TMEM132C: variants seen among roughly 807,000 people sequenced by gnomAD.
The protein encoded by TMEM132C is transmembrane protein 132C, also known as protein phosphatase 1, regulatory subunit 152.
A neutral mutation model predicts 61.4 loss-of-function variants in TMEM132C; 29 were observed. That is an observed-to-expected ratio of 0.47 (90% CI 0.35 to 0.64). The LOEUF (loss-of-function observed/expected upper bound fraction) is 0.64, where lower values mean the gene tolerates loss of function less well. Among genes scored for constraint, TMEM132C ranks in the 30% least tolerant of loss-of-function variants. TMEM132C has a pLI of 0.00. For synonymous variants in TMEM132C, 656 were observed against 633.1 expected, an observed-to-expected ratio of 1.04 and a Z score of -0.54; for missense variants, 1,408 against 1,476.9, an observed-to-expected ratio of 0.95 and a Z score of 0.76.
intron 2 of TMEM132C, among the ~76,000 whole-genome samples, chr12:128,524,571 C>T (rs1026388870): frequency 4.6e-5 from 7 of 152,008 alleles, no homozygotes; most frequent in Non-Finnish European, 8.8e-5. Flanking sequence ...ATTCATCAAA[C>T]AGGAAGCTAC....
chr12:128,338,442 CAT>C (rs1273711915), intron 1 of TMEM132C, among the ~76,000 whole-genome samples: 10 of 152,274 alleles, frequency 6.6e-5, no homozygotes, highest in African/African-American at 2.4e-4. Context: ...TCCCTTGGCA[CAT>C]GTGACCCATT....
intron 1 of TMEM132C, among the ~76,000 whole-genome samples, chr12:128,319,897 C>T (rs746020953): frequency 5.3e-5 from 8 of 151,622 alleles, no homozygotes; most frequent in African/African-American, 1.5e-4. Flanking sequence ...CTTGAACAGA[C>T]GCGGGATGAT....
rs369210247 is a variant in TMEM132C, at chr12:128,441,861, G to A, written c.974+26241G>A. Among the ~76,000 whole-genome samples the A allele has an allele frequency of 1.2e-4, 18 of 152,272 alleles. No homozygotes were observed. In the East Asian group the frequency reaches 3.3e-3, roughly 28 times the overall value. ...TACAAAAAAAATAAAAATTAGCCAG[G>A]TGTGGTGGTGGGCGCCTGTAATCCC... On this transcript the variant is annotated intron_variant, in intron 2 of 8. Transcript: ENST00000435159.
intron 3 of TMEM132C, among the ~76,000 whole-genome samples, chr12:128,576,356 C>T (rs1198744732): frequency 6.6e-6 from 1 of 152,148 alleles, no homozygotes; most frequent in Non-Finnish European, 1.5e-5. Context: ...AAAATTGAAA[C>T]AGAAAAGAGC....
chr12:128,486,241 A>G (rs946455742), intron 2 of TMEM132C, among the ~76,000 whole-genome samples: 8 of 152,136 alleles, frequency 5.3e-5, no homozygotes, highest in African/African-American at 1.9e-4. Context: ...GAAGATCGTT[A>G]CCATCTTTAT....
At chr12:128,683,506 G>C (rs1954651499) in intron 5 of TMEM132C, among the ~76,000 whole-genome samples, 1 of 152,178 alleles carries the variant, frequency 6.6e-6, no homozygotes. Context: ...GACCTGGATG[G>C]TTGCTTTCAA....
chr12:128,577,093 C>T (rs911749571), intron 3 of TMEM132C, among the ~76,000 whole-genome samples: 6 of 152,174 alleles, frequency 3.9e-5, no homozygotes, highest in African/African-American at 1.4e-4. Context: ...TCTTCCCTCC[C>T]CACAGCCCCC....
chr12:128,460,457 A>G (rs187024053), intron 2 of TMEM132C, among the ~76,000 whole-genome samples: 1 of 152,304 alleles, frequency 6.6e-6, no homozygotes, highest in East Asian at 1.9e-4. Flanking sequence ...AGTGGCTTCT[A>G]TTAGTCCATG....
intron 3 of TMEM132C, among the ~76,000 whole-genome samples, chr12:128,546,127 A>G (rs1873942664): frequency 1.3e-5 from 2 of 152,164 alleles, no homozygotes; most frequent in African/African-American, 4.8e-5. Flanking sequence ...CGTCACCATC[A>G]TTACCCCAAG....
At position 128,299,977 on chromosome 12, in the gene TMEM132C, G is replaced by A. The variant is rs563552270; in HGVS notation, c.85+32490G>A. Among the ~76,000 whole-genome samples the A allele has an allele frequency of 2.6e-4, 40 of 152,354 alleles. No individual in the cohort carries two copies. The South Asian group carries it at 8.1e-3, about 31-fold the overall frequency. ...TGCCCACATTTAAATAATTCCGTCAGTGTAGTCTAGACACAGTCGGCCAGT... is the reference window on the plus strand; with the variant it reads ...TGCCCACATTTAAATAATTCCGTCAATGTAGTCTAGACACAGTCGGCCAGT... On this transcript the variant is annotated intron_variant, in intron 1 of 8. Transcript: ENST00000435159.
At chr12:128,552,191 G>A (rs1244040845) in intron 3 of TMEM132C, among the ~76,000 whole-genome samples, 1 of 152,194 alleles carries the variant, frequency 6.6e-6, no homozygotes, top group Non-Finnish European at 1.5e-5. Context: ...TCACTTATGT[G>A]TCTCAAGTTT....
At chr12:128,647,819 G>A (rs59686875) in intron 4 of TMEM132C, among the ~76,000 whole-genome samples, 10,977 of 124,268 alleles carry the variant, frequency 0.088, 2,076 homozygotes, top group African/African-American at 0.32. Context: ...GGAGTCCATC[G>A]GCATTTGATG....
At chr12:128,442,741 A>ATG (rs1371106043) in intron 2 of TMEM132C, among the ~76,000 whole-genome samples, 2 of 152,150 alleles carry the variant, frequency 1.3e-5, no homozygotes, top group Non-Finnish European at 2.9e-5. Context: ...ACATGACATA[A>ATG]AATTCACCAT....
intron 1 of TMEM132C, among the ~76,000 whole-genome samples, chr12:128,336,944 A>T (rs1872804786): frequency 6.6e-6 from 1 of 152,128 alleles, no homozygotes; most frequent in South Asian, 2.1e-4. Flanking sequence ...TTGAGACTCC[A>T]TTGCTTTTAT....
intron 1 of TMEM132C, among the ~76,000 whole-genome samples, chr12:128,349,055 G>A (rs1419568254): frequency 1.3e-5 from 2 of 152,238 alleles, no homozygotes; most frequent in African/African-American, 4.8e-5. Flanking sequence ...CCAGGCTGGA[G>A]TGCAGTGGCA....
At chr12:128,526,067 A>C (rs566549775) in intron 2 of TMEM132C, among the ~76,000 whole-genome samples, 11 of 152,252 alleles carry the variant, frequency 7.2e-5, no homozygotes, top group Non-Finnish European at 1.5e-4. Context: ...GTTCAGGGTC[A>C]GTCACAGGGA....
chr12:128,664,283 A>G (rs1024723747), intron 4 of TMEM132C, among the ~76,000 whole-genome samples: 1 of 132,872 alleles, frequency 7.5e-6, no homozygotes. Context: ...AGTTAAAAAT[A>G]TAGTTCACCT....
chr12:128,465,718 C>T (rs1259049492), intron 2 of TMEM132C, among the ~76,000 whole-genome samples: 1 of 152,230 alleles, frequency 6.6e-6, no homozygotes, highest in Non-Finnish European at 1.5e-5. Flanking sequence ...GGTGTGAGGG[C>T]CCCAAGGGCC....
rs185048989 is a variant in TMEM132C, at chr12:128,546,288, C to T, written c.1121+2185C>T. ...AGAGGCCAAATTAAATCTCCTGAAT[C>T]GAATGCACATGAAGTCTAATTAACC... On this transcript the variant is annotated intron_variant, in intron 3 of 8. Coordinates refer to ENST00000435159, the MANE Select transcript of TMEM132C (RefSeq NM_001136103.3). Among the ~76,000 whole-genome samples, 185 of 152,252 alleles carry T rather than the reference C, an allele frequency of 1.2e-3. 1 individual carries two copies. Among genetic ancestry groups the T allele is most frequent in the Non-Finnish European group, 2.0e-3 (137 of 68,028 alleles).
Sources: allele counts gnomAD v4.1 joint callset (sites outside exome capture counted in the v4.1 genomes callset), GRCh38; gene constraint gnomAD v4.1.1; transcripts MANE v1.5; gene names NCBI Gene and HGNC (gene_info 2026-07-23, HGNC 2026-07-21).